FGF14: variants seen among roughly 807,000 people sequenced by gnomAD.
FGF14 encodes the protein fibroblast growth factor homologous factor 4.
Under a neutral mutation model 25.5 loss-of-function variants are expected in FGF14, and 5 were observed. The observed-to-expected ratio is 0.20, with a 90% CI of 0.10 to 0.41. The LOEUF is 0.41. FGF14 is among the 10% of genes least tolerant of loss of function. The pLI is 1.00. For missense variants in FGF14, 222 were observed against 320.1 expected, an observed-to-expected ratio of 0.69 and a Z score of 2.34; for synonymous variants, 138 against 118.3, an observed-to-expected ratio of 1.17 and a Z score of -1.08.
intron 1 of FGF14, among the ~76,000 whole-genome samples, chr13:101,976,536 T>C (rs1014284941): frequency 6.6e-6 from 1 of 152,220 alleles, no homozygotes; most frequent in African/African-American, 2.4e-5. Flanking sequence ...GGGTGTATTG[T>C]ACCCAAGTAG....
chr13:102,331,787 T>C (rs143139457), intron 1 of FGF14, among the ~76,000 whole-genome samples: 13 of 152,282 alleles, frequency 8.5e-5, no homozygotes, highest in Non-Finnish European at 1.8e-4. Flanking sequence ...ATTGGTAGTA[T>C]AGCATCCTTA....
intron 1 of FGF14, among the ~76,000 whole-genome samples, chr13:102,090,162 A>C (rs2044102018): frequency 6.6e-6 from 1 of 152,250 alleles, no homozygotes; most frequent in Non-Finnish European, 1.5e-5. Flanking sequence ...TTGTGGACAC[A>C]TACTCATTGA....
intron 1 of FGF14, among the ~76,000 whole-genome samples, chr13:102,348,981 G>A (rs575087901): frequency 6.6e-6 from 1 of 152,102 alleles, no homozygotes; most frequent in Admixed American, 6.6e-5. Context: ...TAGACCACTG[G>A]TTCTCCACTC....
intron 3 of FGF14, among the ~76,000 whole-genome samples, chr13:101,846,311 T>A (rs533112355): frequency 1.3e-4 from 20 of 150,148 alleles, no homozygotes; most frequent in South Asian, 4.2e-4. Flanking sequence ...CATCTTTTTT[T>A]AAAAAAAAAA....
At chr13:101,956,867 C>A (rs890704964) in intron 1 of FGF14, among the ~76,000 whole-genome samples, 1 of 151,008 alleles carries the variant, frequency 6.6e-6, no homozygotes, top group Non-Finnish European at 1.5e-5. Context: ...GAAAAAGAGA[C>A]GTCCTTCCTT....
At position 101,828,493 on chromosome 13, in the gene FGF14, T is replaced by C. The variant is rs914576413; in HGVS notation, c.408+40232A>G. ...AAGACTTTTTTTTTTTTTTGCAAGA[T>C]GAGAGAAAGCATGTCTTGTACTGTT... On this transcript the variant is annotated intron_variant, in intron 3 of 4. Coordinates refer to ENST00000376143, the MANE Select transcript of FGF14 (RefSeq NM_004115.4). Among the ~76,000 whole-genome samples, 3 of 150,288 alleles carry C rather than the reference T, an allele frequency of 2.0e-5. No homozygotes were observed. The Admixed American group carries it at 2.0e-4, about 10-fold the overall frequency.
In FGF14 at chr13:101,712,490, A is replaced by G. The variant is rs2034514645; in HGVS notation, c.*10341T>C. 6.6e-6 allele frequency: 1 copy of G among 152,226 alleles called. No homozygotes were observed. Among genetic ancestry groups the G allele is most frequent in the Non-Finnish European group, 1.5e-5 (1 of 68,038 alleles). The allele number at this position is 152,226 out of a possible 1,614,324, so 9.4% of individuals were successfully genotyped here. On this transcript the variant is annotated 3_prime_UTR_variant, in exon 5 of 5. Coordinates refer to ENST00000376143, the MANE Select transcript of FGF14 (RefSeq NM_004115.4). ...GTTCCAGGGCCAGAGGATAAGTTTG[A>G]AGATGAAATATAAGATATTTCATGA...
intron 1 of FGF14, among the ~76,000 whole-genome samples, chr13:102,161,689 A>AT (rs1566765845): frequency 0.11 from 8,156 of 72,602 alleles, 545 homozygotes; most frequent in Middle Eastern, 0.32. Context: ...GAAGAAGAAG[A>AT]AGAAGAAGAA....
intron 1 of FGF14, among the ~76,000 whole-genome samples, chr13:102,223,158 A>T (rs1026622491): frequency 6.6e-6 from 1 of 152,184 alleles, no homozygotes; most frequent in Non-Finnish European, 1.5e-5. Context: ...ACAAGTTCAC[A>T]CTTTTACCAA....
At chr13:102,233,184 G>C (rs2051161882) in intron 1 of FGF14, among the ~76,000 whole-genome samples, 1 of 152,110 alleles carries the variant, frequency 6.6e-6, no homozygotes, top group African/African-American at 2.4e-5. Flanking sequence ...GCCCAGGCTA[G>C]AGTGCAGTAG....
chr13:101,950,075 C>G (rs2036060509), intron 1 of FGF14, among the ~76,000 whole-genome samples: 1 of 151,916 alleles, frequency 6.6e-6, no homozygotes, highest in African/African-American at 2.4e-5. Flanking sequence ...CTGTATGGGA[C>G]ATCCTTATAA....
chr13:102,205,012 A>G (rs1205533858), intron 1 of FGF14, among the ~76,000 whole-genome samples: 1 of 152,192 alleles, frequency 6.6e-6, no homozygotes, highest in East Asian at 1.9e-4. Flanking sequence ...GAAAACTGGC[A>G]ATCAGAGTAT....
chr13:101,742,345 T>C (rs1460187225), intron 3 of FGF14, among the ~76,000 whole-genome samples: 1 of 152,102 alleles, frequency 6.6e-6, no homozygotes, highest in African/African-American at 2.4e-5. Context: ...TGCTGTTACA[T>C]TAAAGTCATC....
intron 1 of FGF14, among the ~76,000 whole-genome samples, chr13:101,945,105 G>A (rs1043304133): frequency 6.6e-6 from 1 of 152,136 alleles, no homozygotes; most frequent in Non-Finnish European, 1.5e-5. Flanking sequence ...GATCACCTGA[G>A]GTCAGGTGTT....
intron 1 of FGF14, among the ~76,000 whole-genome samples, chr13:102,272,642 G>C (rs7320637): frequency 0.78 from 118,807 of 152,142 alleles, 47,360 homozygotes; most frequent in African/African-American, 0.95. Flanking sequence ...TGCATACCCA[G>C]ATGAAACTCT....
At chr13:101,887,548 C>A (rs929452768) in intron 1 of FGF14, among the ~76,000 whole-genome samples, 1 of 151,686 alleles carries the variant, frequency 6.6e-6, no homozygotes, top group East Asian at 1.9e-4. Context: ...GTTGATCTCA[C>A]GGAGATAGCA....
At chr13:102,103,153 T>C (rs991563149) in intron 1 of FGF14, among the ~76,000 whole-genome samples, 1 of 152,150 alleles carries the variant, frequency 6.6e-6, no homozygotes, top group African/African-American at 2.4e-5. Flanking sequence ...TAAGTAAAGG[T>C]TCCTGATTAA....
chr13:101,724,600 A>ATT (rs1376861567), intron 4 of FGF14, among the ~76,000 whole-genome samples: 2 of 5,430 alleles, frequency 3.7e-4, no homozygotes, highest in Non-Finnish European at 6.4e-4. Context: ...ATAATAAAAT[A>ATT]TATATATATA....
At chr13:102,307,655 C>T (rs763630352) in intron 1 of FGF14, among the ~76,000 whole-genome samples, 4 of 152,054 alleles carry the variant, frequency 2.6e-5, no homozygotes, top group African/African-American at 9.7e-5. Flanking sequence ...AGTATATGTA[C>T]ATGTATGTTA....
Sources: gnomAD v4.1 joint callset for allele counts (sites outside exome capture counted in the v4.1 genomes callset) on GRCh38, gnomAD v4.1.1 for gene constraint, MANE v1.5 for transcripts, NCBI Gene and HGNC (gene_info 2026-07-23, HGNC 2026-07-21) for gene names.